The following CEP295NL variants were observed in gnomAD, a reference collection of about 807,000 sequenced individuals.
CEP295NL encodes the protein CEP295 N-terminal like.
Under a neutral mutation model 4.6 loss-of-function variants are expected in CEP295NL, and 3 were observed. That is an observed-to-expected ratio of 0.65 (90% CI 0.30 to 1.69). The LOEUF is 1.69. CEP295NL is among the 40% of genes most tolerant of loss of function. CEP295NL has a pLI of 0.10. For synonymous variants in CEP295NL, 295 were observed against 312.2 expected (o/e 0.94, Z 0.58); for missense variants, 719 against 769.0 (o/e 0.93, Z 0.77).
rs1228941834 is a variant in CEP295NL at position 78,891,151 on chromosome 17, A to T, written c.1353T>A (p.Ser451=). 1 of 1,550,518 alleles carries T rather than the reference A, an allele frequency of 6.4e-7. No homozygotes were observed. Among genetic ancestry groups the T allele is most frequent in the Non-Finnish European group, 8.7e-7 (1 of 1,147,028 alleles). Residue 451 remains serine, a synonymous_variant, in exon 3 of 3, where the codon TCT becomes TCA. Coordinates refer to ENST00000322630, the MANE Select transcript of CEP295NL (RefSeq NM_001243540.2). This position sits in a 1 kb window ranked among gnomAD's most constrained non-coding sequence, Gnocchi z 4.5. The stretch of plus-strand genomic sequence containing the variant: ...TGTTGATAAATATACCTGCCTCGGG[A>T]GACAATGTTTGACTTCCATTTCTAA... ...PTFRNGSQTL[S]PEAGIFINKE... is the part of the protein sequence containing the mutation.
In CEP295NL at chr17:78,890,596, C is replaced by T; in HGVS notation, c.*42G>A. On this transcript the variant is annotated 3_prime_UTR_variant, in exon 3 of 3. Coordinates refer to ENST00000322630, the MANE Select transcript of CEP295NL (RefSeq NM_001243540.2). ...GACCCGGGTACCAGTGCTGGCAGCA[C>T]CATTATCAGTGATGTATTTACCCCG... 6.6e-7 allele frequency: 1 copy of T among 1,525,622 alleles called. No homozygotes were observed. Among genetic ancestry groups the T allele is most frequent in the Middle Eastern group, 1.7e-4 (1 of 5,872 alleles). 94.5% of individuals were successfully genotyped at this position (1,525,622 alleles called of 1,614,324 possible). A position where few individuals can be genotyped will look rare whatever the true frequency, so the allele number is the denominator to read the frequency against.
At chr17:78,897,053 C>T (rs3744790) in intron 2 of CEP295NL, 176,185 of 964,946 alleles carry the variant, frequency 0.18, 16,804 homozygotes, top group Middle Eastern at 0.2. Flanking sequence ...CCCAGGGACC[C>T]TCCACCCAGG....
At position 78,900,809 on chromosome 17, in the gene CEP295NL, C is replaced by G. The variant is rs538471119; in HGVS notation, c.44+976G>C. ...ACACATCTAAAACTTATATGTGGGT[C>G]CCTAAATCCAACTATGCAAGTACAG... On this transcript the variant is annotated intron_variant, in intron 2 of 2. Transcript: ENST00000322630. Among the ~76,000 whole-genome samples, 62 of 152,330 alleles carry G rather than the reference C, an allele frequency of 4.1e-4. No individual in the cohort carries two copies. The South Asian group carries it at 0.013, about 31-fold the overall frequency.
Position 78,896,640 on chromosome 17 carries a change from G to A in CEP295NL, c.45-4181C>T, listed in dbSNP as rs1420285492. On this transcript the variant is annotated intron_variant, in intron 2 of 2. Coordinates refer to ENST00000322630, the MANE Select transcript of CEP295NL (RefSeq NM_001243540.2). This position sits in a 1 kb window ranked among gnomAD's most constrained non-coding sequence, Gnocchi z 4.4. Reference sequence around the variant, plus strand: ...CCCTCTGGTCCTGCCACCCCGAGCTGACAAGCCTGCCTTCTGCTGGCTGCC... The same window carrying A: ...CCCTCTGGTCCTGCCACCCCGAGCTAACAAGCCTGCCTTCTGCTGGCTGCC... Among the ~76,000 whole-genome samples the A allele has an allele frequency of 6.6e-6, 1 of 152,046 alleles. No homozygotes were observed. The highest frequency in any genetic ancestry group is 2.4e-5 in the African/African-American group (1 of 41,358).
intron 2 of CEP295NL, among the ~76,000 whole-genome samples, chr17:78,893,412 CATA>C (rs2069945893): frequency 1.5e-5 from 1 of 65,768 alleles, no homozygotes; most frequent in Non-Finnish European, 2.8e-5. Context: ...GGTGTGTGTG[CATA>C]GGGGTGTGTG....
At chr17:78,894,709 G>A (rs898621350) in intron 2 of CEP295NL, among the ~76,000 whole-genome samples, 6 of 151,984 alleles carry the variant, frequency 3.9e-5, no homozygotes, top group South Asian at 2.1e-4. Context: ...AGAAGAAAAC[G>A]TAGGTGTATA....
intron 2 of CEP295NL, among the ~76,000 whole-genome samples, chr17:78,893,231 G>C (rs2069935592): frequency 6.8e-6 from 1 of 146,976 alleles, no homozygotes; most frequent in African/African-American, 2.6e-5. Flanking sequence ...AGGGGTGTGT[G>C]TGCATGTGTG....
rs1334964615 is a variant in CEP295NL at position 78,891,096 on chromosome 17, A to G, written c.1408T>C (p.Ser470Pro). 2.6e-6 allele frequency: 4 copies of G among 1,550,630 alleles called. No individual in the cohort carries two copies. Among genetic ancestry groups the G allele is most frequent in the East Asian group, 2.4e-5 (1 of 40,920 alleles). The part of the protein sequence containing the change: ...KEDSLLYSTE[S>P]GQETPKLGTL... ...CCCAGTTTGGGGGTCTCTTGTCCAG[A>G]TTCAGTGCTATACAATAATGAGTCC... Residue 470 changes from serine (S) to proline (P), a missense_variant, in exon 3 of 3, where the codon TCT becomes CCT. Transcript: ENST00000322630. This position sits in a 1 kb window ranked among gnomAD's most constrained non-coding sequence, Gnocchi z 4.5.
At chr17:78,893,610 C>T (rs1420018907) in intron 2 of CEP295NL, among the ~76,000 whole-genome samples, 1 of 151,656 alleles carries the variant, frequency 6.6e-6, no homozygotes, top group African/African-American at 2.4e-5. Flanking sequence ...TCTGTGTGTG[C>T]CTCTGTGTGC....
Position 78,896,377 on chromosome 17 carries a change from T to C in CEP295NL, c.45-3918A>G, listed in dbSNP as rs1407611610. Among the ~76,000 whole-genome samples, 2 of 152,172 alleles carry C rather than the reference T, an allele frequency of 1.3e-5. No individual in the cohort carries two copies. The highest frequency in any genetic ancestry group is 2.9e-5 in the Non-Finnish European group (2 of 68,022). On this transcript the variant is annotated intron_variant, in intron 2 of 2. Coordinates refer to ENST00000322630, the MANE Select transcript of CEP295NL (RefSeq NM_001243540.2). The surrounding 1 kb of genome is among the most constrained non-coding windows in gnomAD (Gnocchi z 4.4). ...CCAGGCTGATCTCCAGGCAGCCCAGTGTCTCTCCAGCCCTGCCAGACAGGA... is the reference window on the plus strand; with the variant it reads ...CCAGGCTGATCTCCAGGCAGCCCAGCGTCTCTCCAGCCCTGCCAGACAGGA...
chr17:78,891,938 G>A lies in CEP295NL; in HGVS notation c.566C>T (p.Pro189Leu). ...TGTCTTCCGGGGCCTGGAGTGCCTG[G>A]GGTGTTGCTGGCCCAACTCTTCCCT... ...SCREELGQQH[P>L]RHSRPRKTAA... The change falls in exon 3 of 3, where the codon CCC becomes CTC. Residue 189 changes from proline to leucine, a missense_variant. Physicochemically the swap from Pro to Leu is moderately conservative, Grantham distance 98. Coordinates refer to ENST00000322630, the MANE Select transcript of CEP295NL (RefSeq NM_001243540.2). This position sits in a 1 kb window ranked among gnomAD's most constrained non-coding sequence, Gnocchi z 4.5. 3 of 1,550,558 alleles carry A rather than the reference G, an allele frequency of 1.9e-6. No individual in the cohort carries two copies. Among genetic ancestry groups the A allele is most frequent in the Non-Finnish European group, 2.6e-6 (3 of 1,146,990 alleles).
chr17:78,892,145 TCCTGATAC>T lies in CEP295NL; in HGVS notation c.351_358del (p.Tyr118GlyfsTer29). 6.4e-7 allele frequency: 1 copy of T among 1,550,802 alleles called. No individual in the cohort carries two copies. ...GCCACCGACGTGCAGGTGCTGTGCC[TCCTGATAC>T]CCTCTCCTCAACTCCTCAGCCAAGC... On this transcript the variant is annotated frameshift_variant, in exon 3 of 3. Transcript: ENST00000322630. LOFTEE classifies it low-confidence loss of function (END_TRUNC).
Position 78,891,970 on chromosome 17 carries a change from C to T in CEP295NL, c.534G>A (p.Arg178=). The T allele has an allele frequency of 6.4e-7, 1 of 1,550,610 alleles. No individual in the cohort carries two copies. Among genetic ancestry groups the T allele is most frequent in the Non-Finnish European group, 8.7e-7 (1 of 1,147,002 alleles). Residue 178 remains arginine, a synonymous_variant, in exon 3 of 3, where the codon AGG becomes AGA. Coordinates refer to ENST00000322630, the MANE Select transcript of CEP295NL (RefSeq NM_001243540.2). The surrounding 1 kb of genome is among the most constrained non-coding windows in gnomAD (Gnocchi z 4.5). ...EKHRAALSEE[R]SCREELGQQH... ...GCTGGCCCAACTCTTCCCTGCAACT[C>T]CTCTCTTCACTAAGGGCTGCTCTAT...
chr17:78,891,651 C>T lies in CEP295NL; in HGVS notation c.853G>A (p.Ala285Thr), dbSNP rs750981274. 3 of 1,551,016 alleles carry T rather than the reference C, an allele frequency of 1.9e-6. No homozygotes were observed. The South Asian group carries it at 3.6e-5, about 18-fold the overall frequency. ...GTCAGGGCTGGAACAAAGCAAACTGCCCCCTTTCCCAGTTGCCTCCTCCCC... is the reference window on the plus strand; with the variant it reads ...GTCAGGGCTGGAACAAAGCAAACTGTCCCCTTTCCCAGTTGCCTCCTCCCC... ...RAGRRQLGKG[A>T]VCFVPALTSR... Residue 285 changes from alanine (A) to threonine (T), a missense_variant, in exon 3 of 3, where the codon GCA becomes ACA. Transcript: ENST00000322630. The surrounding 1 kb of genome is among the most constrained non-coding windows in gnomAD (Gnocchi z 4.5).
At position 78,896,382 on chromosome 17, in the gene CEP295NL, CT is replaced by C. The variant is rs1305944385; in HGVS notation, c.45-3924del. Among the ~76,000 whole-genome samples, 1 of 152,242 alleles carries C rather than the reference CT, an allele frequency of 6.6e-6. No individual in the cohort carries two copies. The highest frequency in any genetic ancestry group is 1.5e-5 in the Non-Finnish European group (1 of 68,046). On this transcript the variant is annotated intron_variant, in intron 2 of 2. Transcript: ENST00000322630. This position sits in a 1 kb window ranked among gnomAD's most constrained non-coding sequence, Gnocchi z 4.4. ...CTGATCTCCAGGCAGCCCAGTGTCT[CT>C]CCAGCCCTGCCAGACAGGACGTCGG...
rs979142086 is a variant in CEP295NL, at chr17:78,896,220, G to A, written c.45-3761C>T. ...CTTACTAACTTGAGGCAGAGGGCAG[G>A]GTCTCACGTGGACTTGTGCAGGCAC... On this transcript the variant is annotated intron_variant, in intron 2 of 2. Coordinates refer to ENST00000322630, the MANE Select transcript of CEP295NL (RefSeq NM_001243540.2). The surrounding 1 kb of genome is among the most constrained non-coding windows in gnomAD (Gnocchi z 4.4). Among the ~76,000 whole-genome samples the A allele has an allele frequency of 2.6e-5, 4 of 152,144 alleles. No homozygotes were observed. Among genetic ancestry groups the A allele is most frequent in the Non-Finnish European group, 4.4e-5 (3 of 68,038 alleles).
rs2069910304 is a variant in CEP295NL, at chr17:78,892,211, T to C, written c.293A>G (p.Asp98Gly). The change falls in exon 3 of 3, where the codon GAT (aspartate) becomes GGT (glycine). Residue 98 changes from aspartate (D) to glycine (G), a missense_variant. Asp to Gly is a moderately conservative substitution (Grantham distance 94). Transcript: ENST00000322630. ...CTGGTAGTTTTTCCACAGCTTGGCA[T>C]CCGCTCTTCTCTGCAGAGCGAGATC... The part of the protein sequence containing the change: ...KGDLALQRRA[D>G]AKLWKNYQLQ... The C allele has an allele frequency of 6.4e-7, 1 of 1,550,908 alleles. No homozygotes were observed.
At position 78,891,007 on chromosome 17, in the gene CEP295NL, C is replaced by T. The variant is rs201766633; in HGVS notation, c.1497G>A (p.Thr499=). 776 of 1,551,138 alleles carry T rather than the reference C, an allele frequency of 5.0e-4. No individual in the cohort carries two copies. The highest frequency in any genetic ancestry group is 6.1e-4 in the Non-Finnish European group (702 of 1,147,132). ...CTGCTTTCTGCCTTTGCCTGGATGC[C>T]GTCGAGCCCACTCTGTCTGCCTGGT... ...LQDQADRVGS[T]ASRQRQKAEM... The change falls in exon 3 of 3, where the codon ACG becomes ACA. Residue 499 remains threonine, a synonymous_variant. Coordinates refer to ENST00000322630, the MANE Select transcript of CEP295NL (RefSeq NM_001243540.2). This position sits in a 1 kb window ranked among gnomAD's most constrained non-coding sequence, Gnocchi z 4.5.
At position 78,892,204 on chromosome 17, in the gene CEP295NL, C is replaced by T. The variant is rs1452352190; in HGVS notation, c.300G>A (p.Lys100=). The T allele has an allele frequency of 5.8e-6, 9 of 1,550,910 alleles. No homozygotes were observed. The African/African-American group carries it at 6.8e-5, about 12-fold the overall frequency. The change falls in exon 3 of 3, where the codon AAG becomes AAA. Residue 100 remains lysine, a synonymous_variant. Coordinates refer to ENST00000322630, the MANE Select transcript of CEP295NL (RefSeq NM_001243540.2). The part of the protein sequence containing the change: ...DLALQRRADA[K]LWKNYQLQRL... ...GCTGGAGCTGGTAGTTTTTCCACAG[C>T]TTGGCATCCGCTCTTCTCTGCAGAG...
Sources: gnomAD v4.1 joint callset for allele counts (sites outside exome capture counted in the v4.1 genomes callset) on GRCh38, gnomAD v4.1.1 for gene constraint, Gnocchi (gnomAD v3.1) non-coding constraint, MANE v1.5 for transcripts, NCBI Gene and HGNC (gene_info 2026-07-23, HGNC 2026-07-21) for gene names.